Variants in CREB5 observed in about 807,000 individuals in gnomAD.
CREB5 encodes cAMP responsive element binding protein 5, also known as cyclic AMP-responsive element-binding protein 5.
In CREB5, 19 loss-of-function variants were observed where a neutral mutation model predicts 57.1. The observed-to-expected ratio is 0.33, with a 90% CI of 0.23 to 0.49. CREB5 has a LOEUF of 0.49. CREB5 is among the 20% of genes least tolerant of loss of function. CREB5 has a pLI of 0.99. For missense variants in CREB5, 579 were observed against 671.6 expected (o/e 0.86, Z 1.52); for synonymous variants, 238 against 238.3 (o/e 1.00, Z 0.01).
chr7:28,611,754 G>A (rs112418563), intron 5 of CREB5, among the ~76,000 whole-genome samples: 16 of 151,290 alleles, frequency 1.1e-4, no homozygotes, highest in Non-Finnish European at 1.8e-4. Flanking sequence ...GTGAAGAAGG[G>A]GTTAACTACA....
intron 3 of CREB5, among the ~76,000 whole-genome samples, chr7:28,500,603 G>T (rs1179442023): frequency 1.3e-5 from 2 of 152,192 alleles, no homozygotes; most frequent in Non-Finnish European, 2.9e-5. Context: ...CCATGGAGAA[G>T]GCAAGAAAGT....
At chr7:28,524,323 A>ACG (rs1236345006) in intron 4 of CREB5, among the ~76,000 whole-genome samples, 3 of 103,220 alleles carry the variant, frequency 2.9e-5, no homozygotes, top group African/African-American at 5.3e-5. Context: ...CTAAACACAC[A>ACG]CACACACACA....
At chr7:28,482,507 T>C (rs1791376245) in intron 1 of CREB5, among the ~76,000 whole-genome samples, 1 of 152,228 alleles carries the variant, frequency 6.6e-6, no homozygotes. Flanking sequence ...ACAGTGTGAC[T>C]GACTCAAGGT....
intron 3 of CREB5, among the ~76,000 whole-genome samples, chr7:28,507,403 C>T (rs1792522275): frequency 6.6e-6 from 1 of 152,166 alleles, no homozygotes; most frequent in Non-Finnish European, 1.5e-5. Context: ...AAAGCCCTCG[C>T]AGACTACAGC....
rs1047884194 is a variant in CREB5 at position 28,477,173 on chromosome 7, A to G, written c.4-11002A>G. On this transcript the variant is annotated intron_variant, in intron 1 of 10. Transcript: ENST00000357727. ...ACAAGTTCACTGTGATGGGTAATCAATCACTGTCCACAGGCCACTTTCCCT... is the reference window on the plus strand; with the variant it reads ...ACAAGTTCACTGTGATGGGTAATCAGTCACTGTCCACAGGCCACTTTCCCT... Among the ~76,000 whole-genome samples, 3 of 152,220 alleles carry G rather than the reference A, an allele frequency of 2.0e-5. No homozygotes were observed. The South Asian group carries it at 6.2e-4, about 32-fold the overall frequency.
chr7:28,310,002 A>C (rs571171876), intron 1 of CREB5, among the ~76,000 whole-genome samples: 71 of 152,272 alleles, frequency 4.7e-4, no homozygotes, highest in African/African-American at 1.7e-3. Context: ...CTACTGGAGG[A>C]GGGATGAAAG....
intron 5 of CREB5, among the ~76,000 whole-genome samples, chr7:28,607,173 G>C (rs113260874): frequency 6.6e-6 from 1 of 152,206 alleles, no homozygotes; most frequent in African/African-American, 2.4e-5. Context: ...TCAACTAAAA[G>C]TTGTAATTTT....
At chr7:28,760,663 G>A (rs1008199817) in intron 7 of CREB5, among the ~76,000 whole-genome samples, 1 of 151,938 alleles carries the variant, frequency 6.6e-6, no homozygotes, top group Admixed American at 6.6e-5. Context: ...ATTCTCTTAT[G>A]AATATGTGCC....
chr7:28,633,288 C>A (rs1798275272), intron 5 of CREB5, among the ~76,000 whole-genome samples: 1 of 152,064 alleles, frequency 6.6e-6, no homozygotes, highest in Admixed American at 6.6e-5. Flanking sequence ...ACTGGTGATA[C>A]CAAAACAAGG....
chr7:28,672,180 A>AT (rs1554283278), intron 5 of CREB5, among the ~76,000 whole-genome samples: 3 of 84,392 alleles, frequency 3.6e-5, no homozygotes, highest in African/African-American at 1.1e-4. Context: ...TTATGGAAAA[A>AT]AAAAAAAAAC....
Position 28,657,097 on chromosome 7 carries a change from A to G in CREB5, c.465-61656A>G, listed in dbSNP as rs182162108. Among the ~76,000 whole-genome samples the G allele has an allele frequency of 3.6e-3, 552 of 152,282 alleles. 7 individuals are homozygous for G. The highest frequency in any genetic ancestry group is 0.017 in the Middle Eastern group (5 of 294). ...CCCAAACACACATAATCCCTCCTGA[A>G]AATACACCTGTCCATCTGCAAGGCA... On this transcript the variant is annotated intron_variant, in intron 5 of 10. Transcript: ENST00000357727.
At chr7:28,365,098 C>G (rs1226800695) in intron 1 of CREB5, among the ~76,000 whole-genome samples, 13 of 152,190 alleles carry the variant, frequency 8.5e-5, no homozygotes, top group Admixed American at 8.5e-4. Flanking sequence ...CATCAATTTC[C>G]TTGACCAAAC....
chr7:28,478,444 C>T (rs1791172029), intron 1 of CREB5, among the ~76,000 whole-genome samples: 1 of 152,000 alleles, frequency 6.6e-6, no homozygotes, highest in Non-Finnish European at 1.5e-5. Flanking sequence ...CTCCTTTGGA[C>T]TGATTAAGCT....
chr7:28,299,367 G>C (rs193259289), exon 1 of CREB5: 1 of 152,300 alleles, frequency 6.6e-6, no homozygotes, highest in East Asian at 1.9e-4. Context: ...TTTTGGACAC[G>C]GTTATGAGAA....
At chr7:28,327,578 C>T (rs1213428160) in intron 1 of CREB5, among the ~76,000 whole-genome samples, 1 of 152,220 alleles carries the variant, frequency 6.6e-6, no homozygotes, top group Non-Finnish European at 1.5e-5. Context: ...TTATTTGTCT[C>T]TGCCCTTCCC....
At chr7:28,387,600 T>C (rs1787137462) in intron 1 of CREB5, among the ~76,000 whole-genome samples, 1 of 152,040 alleles carries the variant, frequency 6.6e-6, no homozygotes, top group Non-Finnish European at 1.5e-5. Context: ...CATGGACACA[T>C]GTGAAAGAGC....
At chr7:28,469,132 G>C (rs1458754792) in intron 1 of CREB5, among the ~76,000 whole-genome samples, 1 of 152,178 alleles carries the variant, frequency 6.6e-6, no homozygotes, top group African/African-American at 2.4e-5. Flanking sequence ...GAGGTGGGAG[G>C]ATCACTTGAG....
At chr7:28,543,957 G>A (rs904034963) in intron 4 of CREB5, among the ~76,000 whole-genome samples, 10 of 149,028 alleles carry the variant, frequency 6.7e-5, no homozygotes, top group African/African-American at 2.0e-4. Context: ...TCTCGTATGA[G>A]TGCCATGAGC....
intron 7 of CREB5, among the ~76,000 whole-genome samples, chr7:28,735,290 T>A (rs1803909582): frequency 1.3e-5 from 2 of 152,218 alleles, no homozygotes; most frequent in African/African-American, 4.8e-5. Flanking sequence ...TCTTTCACAT[T>A]TTCTGTGTTT....
Sources: allele counts gnomAD v4.1 joint callset (sites outside exome capture counted in the v4.1 genomes callset), GRCh38; gene constraint gnomAD v4.1.1; transcripts MANE v1.5; gene names NCBI Gene and HGNC (gene_info 2026-07-23, HGNC 2026-07-21).